Variants in TRPM6 observed in about 807,000 individuals in gnomAD.
TRPM6 encodes channel kinase 2.
Under a neutral mutation model 247.6 loss-of-function variants are expected in TRPM6, and 111 were observed. The ratio of observed to expected loss-of-function variants is 0.45; its 90% CI spans 0.38 to 0.52. The LOEUF is 0.52. TRPM6 is among the 20% of genes least tolerant of loss of function. TRPM6 has a pLI of 0.00. For missense variants in TRPM6, 2,126 were observed against 2,421.5 expected (o/e 0.88, Z 2.56); for synonymous variants, 892 against 853.8 (o/e 1.04, Z -0.78).
chr9:74,806,468 G>A (rs1437863733), intron 14 of TRPM6, among the ~76,000 whole-genome samples: 1 of 151,978 alleles, frequency 6.6e-6, no homozygotes, highest in Non-Finnish European at 1.5e-5. Flanking sequence ...TTTCTGTTTT[G>A]TTGATAAAAA....
At chr9:74,731,073 A>C (rs1228912328) in intron 37 of TRPM6, among the ~76,000 whole-genome samples, 2 of 152,168 alleles carry the variant, frequency 1.3e-5, no homozygotes, top group African/African-American at 2.4e-5. Context: ...TTTGTTTTTA[A>C]GTTCCCTAGG....
At chr9:74,848,197 G>A (rs902550879) in intron 3 of TRPM6, among the ~76,000 whole-genome samples, 1 of 152,140 alleles carries the variant, frequency 6.6e-6, no homozygotes, top group Admixed American at 6.6e-5. Context: ...ATTAAGCTGA[G>A]AACTTTCACC....
chr9:74,792,494 C>T lies in TRPM6; in HGVS notation c.2538+130G>A, dbSNP rs73650076. 2,022 of 985,162 alleles carry T rather than the reference C, an allele frequency of 2.1e-3. 20 individuals are homozygous for T. The African/African-American group carries it at 0.026, about 13-fold the overall frequency. 61.0% of individuals were successfully genotyped at this position (985,162 alleles called of 1,614,324 possible). On this transcript the variant is annotated intron_variant, in intron 19 of 38. Transcript: ENST00000360774. ...CAGTCCTCTTTGCTACCTACTTTGT[C>T]ATGCCCTCACTTTTTTTTAACTAGG...
At chr9:74,829,434 C>T (rs1456781566) in intron 6 of TRPM6, among the ~76,000 whole-genome samples, 1 of 152,168 alleles carries the variant, frequency 6.6e-6, no homozygotes, top group African/African-American at 2.4e-5. Flanking sequence ...GAGGCAAAAG[C>T]ACAATATTTA....
intron 30 of TRPM6, among the ~76,000 whole-genome samples, 158 bp from the exon 31 acceptor site, chr9:74,748,072 G>A (rs1291399527): frequency 6.6e-6 from 1 of 152,018 alleles, no homozygotes; most frequent in Non-Finnish European, 1.5e-5. Flanking sequence ...ATGATGTTTT[G>A]GTCAACAACA....
chr9:74,814,575 C>A (rs1355098191), intron 11 of TRPM6, among the ~76,000 whole-genome samples: 1 of 152,018 alleles, frequency 6.6e-6, no homozygotes, highest in African/African-American at 2.4e-5. Context: ...TATATACACC[C>A]ACTGTGAGCA....
intron 18 of TRPM6, among the ~76,000 whole-genome samples, chr9:74,796,247 T>C (rs1256352013): frequency 1.6e-4 from 24 of 152,208 alleles, no homozygotes; most frequent in Admixed American, 1.6e-3. Context: ...CTTGAAACAC[T>C]TTTTCAATAC....
chr9:74,729,347 C>A (rs1825444675), intron 37 of TRPM6, among the ~76,000 whole-genome samples: 1 of 152,156 alleles, frequency 6.6e-6, no homozygotes, highest in East Asian at 1.9e-4. Context: ...TAAAAATGGA[C>A]TTTTTTCCAT....
At position 74,749,243 on chromosome 9, in the gene TRPM6, T is replaced by C. The variant is rs183574439; in HGVS notation, c.5058-1329A>G. The stretch of plus-strand genomic sequence containing the variant: ...TGTCGTTAATTGATGCATGACTGTA[T>C]ATATATTTGAAAGAGAAGTATTAGT... On this transcript the variant is annotated intron_variant, in intron 30 of 38. Coordinates refer to ENST00000360774, the MANE Select transcript of TRPM6 (RefSeq NM_017662.5). Among the ~76,000 whole-genome samples, 219 of 152,290 alleles carry C rather than the reference T, an allele frequency of 1.4e-3. 1 individual carries two copies. The highest frequency in any genetic ancestry group is 2.3e-3 in the Non-Finnish European group (155 of 68,018).
chr9:74,831,157 A>G (rs1348403488), intron 6 of TRPM6, among the ~76,000 whole-genome samples: 2 of 152,138 alleles, frequency 1.3e-5, no homozygotes, highest in Admixed American at 6.6e-5. Flanking sequence ...GACATGAAAA[A>G]TCAAAATGTT....
intron 2 of TRPM6, among the ~76,000 whole-genome samples, chr9:74,858,057 C>G (rs193251472): frequency 6.6e-6 from 1 of 152,092 alleles, no homozygotes; most frequent in Non-Finnish European, 1.5e-5. Context: ...TTAACAGTGA[C>G]GGCATTAAGA....
intron 25 of TRPM6, among the ~76,000 whole-genome samples, chr9:74,766,717 CA>C (rs1826838484): frequency 6.6e-6 from 1 of 151,650 alleles, no homozygotes; most frequent in Admixed American, 6.6e-5. Context: ...TCAAGACCAG[CA>C]GGGCCGATAT....
chr9:74,736,332 G>C (rs1825692396), intron 36 of TRPM6, among the ~76,000 whole-genome samples: 1 of 152,032 alleles, frequency 6.6e-6, no homozygotes, highest in African/African-American at 2.4e-5. Context: ...ACTGCTGCTG[G>C]TGAGCCTCTG....
At chr9:74,792,823 G>A (rs1827956457) in intron 18 of TRPM6, 53 bp from the exon 19 acceptor site, 2 of 1,532,090 alleles carry the variant, frequency 1.3e-6, no homozygotes, top group Admixed American at 1.7e-5. Context: ...CTAAAATAGT[G>A]ACAAGCATGA....
intron 25 of TRPM6, among the ~76,000 whole-genome samples, chr9:74,767,015 C>A (rs1046963704): frequency 6.6e-6 from 1 of 152,176 alleles, no homozygotes; most frequent in Admixed American, 6.5e-5. Context: ...GCATTGACCA[C>A]TGCCTTCTGG....
chr9:74,836,763 T>C (rs529301051), intron 5 of TRPM6, among the ~76,000 whole-genome samples: 1 of 152,342 alleles, frequency 6.6e-6, no homozygotes, highest in South Asian at 2.1e-4. Context: ...CCCTGCCACA[T>C]GGCACACACT....
chr9:74,821,946 C>G, intron 7 of TRPM6, 109 bp from the exon 8 acceptor site: 1 of 1,220,132 alleles, frequency 8.2e-7, no homozygotes, highest in Non-Finnish European at 1.2e-6. Flanking sequence ...ATGTTCATTC[C>G]TCACACTGGC....
chr9:74,836,066 T>C (rs1477212401), intron 5 of TRPM6, among the ~76,000 whole-genome samples: 1 of 152,166 alleles, frequency 6.6e-6, no homozygotes, highest in African/African-American at 2.4e-5. Flanking sequence ...GATACAATGA[T>C]GTATATCCAC....
intron 21 of TRPM6, among the ~76,000 whole-genome samples, chr9:74,783,832 C>T (rs1187524790): frequency 2.0e-5 from 3 of 152,160 alleles, no homozygotes; most frequent in Non-Finnish European, 4.4e-5. Flanking sequence ...TTGTTTGTCT[C>T]AGCACTACCC....
Sources: gnomAD v4.1 joint callset for allele counts (sites outside exome capture counted in the v4.1 genomes callset) on GRCh38, gnomAD v4.1.1 for gene constraint, MANE v1.5 for transcripts, NCBI Gene and HGNC (gene_info 2026-07-23, HGNC 2026-07-21) for gene names.